Variants in NTF3 observed in about 807,000 individuals in gnomAD.
NTF3 encodes neurotrophin-3.
A neutral mutation model predicts 26.3 loss-of-function variants in NTF3; 8 were observed. That is an observed-to-expected ratio of 0.30 (90% CI 0.18 to 0.55). The LOEUF is 0.55. Ranked by LOEUF, NTF3 falls within the 20% of genes least tolerant of loss-of-function variation. The pLI is 0.93. For missense variants in NTF3, 276 were observed against 352.9 expected (o/e 0.78, Z 1.75); for synonymous variants, 154 against 145.5 (o/e 1.06, Z -0.42).
chr12:5,493,733 C>G (rs2121260915), intron 1 of NTF3, among the ~76,000 whole-genome samples: 1 of 152,274 alleles, frequency 6.6e-6, no homozygotes, highest in African/African-American at 2.4e-5. Context: ...GGGGCTGCAG[C>G]TGGGGAGCAG....
At position 5,432,123 on chromosome 12, in the gene NTF3, T is replaced by C; in HGVS notation, c.-202T>C. 3.0e-6 allele frequency: 2 copies of C among 656,760 alleles called. No individual in the cohort carries two copies. Among genetic ancestry groups the C allele is most frequent in the Non-Finnish European group, 5.5e-6 (2 of 362,578 alleles). 40.7% of individuals were successfully genotyped at this position (656,760 alleles called of 1,614,324 possible). A position where few individuals can be genotyped will look rare whatever the true frequency, so the allele number is the denominator to read the frequency against. On this transcript the variant is annotated 5_prime_UTR_variant, in exon 1 of 2. Transcript: ENST00000423158. ...TGTTCACGGGACTCAGAGTTGAAGC[T>C]CCTCTCCCTTCCGAACAGCTCCGCG...
intron 1 of NTF3, among the ~76,000 whole-genome samples, chr12:5,493,013 C>T (rs1032515864): frequency 1.3e-5 from 2 of 152,204 alleles, no homozygotes; most frequent in African/African-American, 2.4e-5. Flanking sequence ...GATGTACCCC[C>T]CTGGGAGCCA....
At chr12:5,476,180 C>T (rs936134753) in intron 1 of NTF3, among the ~76,000 whole-genome samples, 3 of 152,176 alleles carry the variant, frequency 2.0e-5, no homozygotes, top group African/African-American at 7.2e-5. Context: ...ATTACCCCAA[C>T]AAAATTATTG....
At chr12:5,437,893 T>G (rs956403019) in intron 1 of NTF3, among the ~76,000 whole-genome samples, 2 of 152,150 alleles carry the variant, frequency 1.3e-5, no homozygotes, top group Admixed American at 1.3e-4. Flanking sequence ...GCGTGCGTGC[T>G]GGGGGACACG....
chr12:5,443,975 G>A (rs1185093449), intron 1 of NTF3, among the ~76,000 whole-genome samples: 1 of 152,174 alleles, frequency 6.6e-6, no homozygotes, highest in East Asian at 1.9e-4. Flanking sequence ...TTTGGATTGG[G>A]TTACAGGTTG....
intron 1 of NTF3, among the ~76,000 whole-genome samples, chr12:5,468,624 C>G (rs1458333595): frequency 3.9e-5 from 6 of 152,180 alleles, no homozygotes; most frequent in Non-Finnish European, 2.9e-5. Context: ...TGGATGTAAA[C>G]TAAAAAATGG....
At chr12:5,443,586 G>T (rs1018007554) in intron 1 of NTF3, among the ~76,000 whole-genome samples, 1 of 152,160 alleles carries the variant, frequency 6.6e-6, no homozygotes, top group African/African-American at 2.4e-5. Context: ...TACCCCAAAA[G>T]AAATTGTATT....
intron 1 of NTF3, 51 bp downstream of exon 1, chr12:5,432,393 C>T (rs1402740970): frequency 6.9e-6 from 11 of 1,598,362 alleles, no homozygotes; most frequent in Admixed American, 3.4e-5. Flanking sequence ...GGATGGGGGT[C>T]CACGTGGGGA....
intron 1 of NTF3, among the ~76,000 whole-genome samples, chr12:5,491,024 G>A (rs891999483): frequency 6.6e-6 from 1 of 152,208 alleles, no homozygotes; most frequent in Admixed American, 6.5e-5. Flanking sequence ...CTTCCATGTG[G>A]ATTTCATTGT....
intron 1 of NTF3, among the ~76,000 whole-genome samples, chr12:5,451,926 G>A (rs1011024344): frequency 5.3e-5 from 8 of 151,962 alleles, no homozygotes; most frequent in East Asian, 1.9e-4. Flanking sequence ...CTCCTGGCCC[G>A]AAGCAATCCT....
intron 1 of NTF3, among the ~76,000 whole-genome samples, chr12:5,453,569 T>C (rs1245430455): frequency 1.3e-5 from 2 of 152,248 alleles, no homozygotes; most frequent in African/African-American, 2.4e-5. Flanking sequence ...TGTAAAACTG[T>C]TCTCTCTTGC....
chr12:5,468,724 A>C (rs997240937), intron 1 of NTF3, among the ~76,000 whole-genome samples: 2 of 152,180 alleles, frequency 1.3e-5, no homozygotes, highest in African/African-American at 4.8e-5. Context: ...TTATGCTGGG[A>C]TGTAGTGACA....
At chr12:5,459,290 A>G (rs933217810) in intron 1 of NTF3, among the ~76,000 whole-genome samples, 1 of 151,974 alleles carries the variant, frequency 6.6e-6, no homozygotes, top group Non-Finnish European at 1.5e-5. Context: ...TTTCTTGGAA[A>G]CCCTATACTC....
At chr12:5,437,266 A>G (rs1252218737) in intron 1 of NTF3, among the ~76,000 whole-genome samples, 1 of 152,230 alleles carries the variant, frequency 6.6e-6, no homozygotes. Context: ...GCTATTTCCA[A>G]GAGGCACTAA....
upstream of NTF3, among the ~76,000 whole-genome samples, chr12:5,430,600 A>G (rs1249541868): frequency 1.3e-5 from 1 of 77,982 alleles, no homozygotes; most frequent in Non-Finnish European, 2.7e-5. Flanking sequence ...CTCCCTTCCC[A>G]CCTCCCCATC....
chr12:5,455,664 C>CA (rs1308329365), intron 1 of NTF3, among the ~76,000 whole-genome samples: 1 of 151,942 alleles, frequency 6.6e-6, no homozygotes, highest in Non-Finnish European at 1.5e-5. Context: ...CAGTGAGAGA[C>CA]AAAGTTCTAT....
chr12:5,487,162 G>T (rs1940876912), intron 1 of NTF3, among the ~76,000 whole-genome samples: 1 of 152,182 alleles, frequency 6.6e-6, no homozygotes, highest in South Asian at 2.1e-4. Context: ...GCTCCTTTAA[G>T]ATCTCTCTTT....
Position 5,456,394 on chromosome 12 carries a change from C to T in NTF3, c.18+24052C>T, listed in dbSNP as rs538793183. 6.3e-4 allele frequency among the ~76,000 whole-genome samples: 96 copies of T among 152,264 alleles called. No homozygotes were observed. The highest frequency in any genetic ancestry group is 2.2e-3 in the African/African-American group (93 of 41,544). On this transcript the variant is annotated intron_variant, in intron 1 of 1. Transcript: ENST00000423158. The surrounding 1 kb of genome is among the most constrained non-coding windows in gnomAD (Gnocchi z 4.4). Reference sequence around the variant, plus strand: ...GGCCTTTAGCTTCCTTTACTCACCCCAGAAATCAGTGGGACCCTGGGAGCT... The same window carrying T: ...GGCCTTTAGCTTCCTTTACTCACCCTAGAAATCAGTGGGACCCTGGGAGCT...
intron 1 of NTF3, among the ~76,000 whole-genome samples, chr12:5,460,576 T>C (rs1940512658): frequency 6.6e-6 from 1 of 152,252 alleles, no homozygotes; most frequent in Non-Finnish European, 1.5e-5. Context: ...TCTCTGTCTG[T>C]TCCTTTCTAG....
Sources: allele counts gnomAD v4.1 joint callset (sites outside exome capture counted in the v4.1 genomes callset), GRCh38; gene constraint gnomAD v4.1.1; non-coding constraint Gnocchi (gnomAD v3.1); transcripts MANE v1.5; gene names NCBI Gene and HGNC (gene_info 2026-07-23, HGNC 2026-07-21).